Variants in RORA observed in about 807,000 individuals in gnomAD.
RORA encodes the protein RAR related orphan receptor A.
In RORA, 7 loss-of-function variants were observed where a neutral mutation model predicts 69.5. The ratio of observed to expected loss-of-function variants is 0.10; its 90% CI spans 0.06 to 0.19. RORA has a LOEUF of 0.19. RORA is among the 10% of genes least tolerant of loss of function. RORA has a pLI of 1.00. For synonymous variants in RORA, 261 were observed against 240.8 expected, an observed-to-expected ratio of 1.08 and a Z score of -0.78; for missense variants, 457 against 663.0, an observed-to-expected ratio of 0.69 and a Z score of 3.41.
chr15:60,535,388 C>T (rs2066644136), intron 2 of RORA, among the ~76,000 whole-genome samples: 1 of 152,168 alleles, frequency 6.6e-6, no homozygotes, highest in Admixed American at 6.5e-5. Context: ...AATTTGCTCT[C>T]TCATGCACCC....
intron 2 of RORA, among the ~76,000 whole-genome samples, chr15:60,674,318 G>T (rs1203594408): frequency 6.6e-6 from 1 of 152,128 alleles, no homozygotes; most frequent in Non-Finnish European, 1.5e-5. Context: ...AGAAAATAAG[G>T]TTATTCTAGT....
intron 2 of RORA, chr15:60,627,269 T>C (rs893785125): frequency 1.2e-6 from 2 of 1,614,070 alleles, no homozygotes; most frequent in Non-Finnish European, 1.7e-6. Context: ...GGTGTGGGTG[T>C]GGCAGACATT....
rs1242458906 is a variant in RORA at position 61,226,159 on chromosome 15, G to A, written c.166+2894C>T. On this transcript the variant is annotated intron_variant, in intron 1 of 10. Transcript: ENST00000335670. This position sits in a 1 kb window ranked among gnomAD's most constrained non-coding sequence, Gnocchi z 4.2. ...TAATGTCTCATGAGGTCACTGCAAT[G>A]TCATGAGAATTCAGACCACAATTTC... 6.6e-6 allele frequency among the ~76,000 whole-genome samples: 1 copy of A among 152,194 alleles called. No homozygotes were observed. Among genetic ancestry groups the A allele is most frequent in the African/African-American group, 2.4e-5 (1 of 41,454 alleles).
chr15:60,726,800 C>T (rs2071362579), intron 1 of RORA, among the ~76,000 whole-genome samples: 1 of 152,078 alleles, frequency 6.6e-6, no homozygotes, highest in Non-Finnish European at 1.5e-5. Context: ...AATTGTATTA[C>T]ATTGAGGAGC....
chr15:60,513,758 T>A (rs2141332994), intron 4 of RORA, among the ~76,000 whole-genome samples: 1 of 152,276 alleles, frequency 6.6e-6, no homozygotes, highest in East Asian at 1.9e-4. Flanking sequence ...CTACAGGCGC[T>A]AAGAACATCA....
At chr15:60,583,082 A>C (rs1424355997) in intron 2 of RORA, among the ~76,000 whole-genome samples, 1 of 152,188 alleles carries the variant, frequency 6.6e-6, no homozygotes, top group East Asian at 1.9e-4. Context: ...AATGAGATAG[A>C]TACTACACCA....
intron 1 of RORA, among the ~76,000 whole-genome samples, chr15:61,071,225 AG>A (rs2078338744): frequency 1.1e-4 from 3 of 28,362 alleles, no homozygotes; most frequent in African/African-American, 1.6e-4. Context: ...GGGGAGGGGA[AG>A]GGAAGGGAGG....
At chr15:60,619,872 C>T (rs1453648877) in intron 2 of RORA, among the ~76,000 whole-genome samples, 1 of 152,256 alleles carries the variant, frequency 6.6e-6, no homozygotes, top group African/African-American at 2.4e-5. Flanking sequence ...CGCATCTTTG[C>T]CTGCTTTTGC....
intron 2 of RORA, chr15:60,630,295 C>CCA (rs1353553818): frequency 6.6e-6 from 1 of 152,150 alleles, no homozygotes; most frequent in Non-Finnish European, 1.5e-5. Context: ...TAGAACTAGC[C>CCA]CAGTGGGAAA....
intron 1 of RORA, among the ~76,000 whole-genome samples, chr15:60,832,319 T>G (rs540607836): frequency 6.6e-6 from 1 of 152,236 alleles, no homozygotes; most frequent in East Asian, 1.9e-4. Context: ...GTTTTAGCAT[T>G]AAGAGTCCTG....
chr15:60,669,896 G>C (rs915197966), intron 2 of RORA, among the ~76,000 whole-genome samples: 3 of 152,154 alleles, frequency 2.0e-5, no homozygotes, highest in African/African-American at 7.2e-5. Context: ...TAAACTATTA[G>C]ACAGGGAGGA....
intron 1 of RORA, among the ~76,000 whole-genome samples, chr15:61,006,846 A>C (rs1256226176): frequency 1.3e-5 from 2 of 152,030 alleles, no homozygotes; most frequent in African/African-American, 2.4e-5. Context: ...GCTTATTTCT[A>C]TCTCTATTAC....
At chr15:61,205,341 C>T (rs894051892) in intron 1 of RORA, among the ~76,000 whole-genome samples, 3 of 152,148 alleles carry the variant, frequency 2.0e-5, no homozygotes, top group South Asian at 4.1e-4. Flanking sequence ...GTCCACCTTG[C>T]GTTCAAGGGT....
At chr15:61,019,227 G>C (rs1037510411) in intron 1 of RORA, among the ~76,000 whole-genome samples, 1 of 152,178 alleles carries the variant, frequency 6.6e-6, no homozygotes, top group Non-Finnish European at 1.5e-5. Context: ...GATATTGCTG[G>C]CATCACTCGC....
chr15:60,864,441 T>G (rs191768028), intron 1 of RORA, among the ~76,000 whole-genome samples: 1 of 152,036 alleles, frequency 6.6e-6, no homozygotes, highest in South Asian at 2.1e-4. Flanking sequence ...GGGGACTTAG[T>G]GACAGCCCAA....
chr15:60,796,981 G>T (rs1022617561), intron 1 of RORA, among the ~76,000 whole-genome samples: 90 of 149,174 alleles, frequency 6.0e-4, no homozygotes, highest in African/African-American at 2.1e-3. Flanking sequence ...AATACCATGA[G>T]TAGGTTTATC....
intron 1 of RORA, among the ~76,000 whole-genome samples, chr15:61,070,993 A>G (rs1446054154): frequency 6.6e-6 from 1 of 151,730 alleles, no homozygotes; most frequent in African/African-American, 2.4e-5. Context: ...TCCTCTGTAA[A>G]TACCCCATTA....
At chr15:61,195,937 T>C (rs1487294939) in intron 1 of RORA, 1 of 152,276 alleles carries the variant, frequency 6.6e-6, no homozygotes, top group African/African-American at 2.4e-5. Context: ...ACCTAATATG[T>C]ACGTGAAAAG....
rs559126770 is a variant in RORA, at chr15:60,745,700, C to A, written c.167-67014G>T. 3.3e-5 allele frequency among the ~76,000 whole-genome samples: 5 copies of A among 152,338 alleles called. No homozygotes were observed. In the East Asian group the frequency reaches 9.6e-4, roughly 29 times the overall value. On this transcript the variant is annotated intron_variant, in intron 1 of 10. Transcript: ENST00000335670. Reference sequence around the variant, plus strand: ...TCTTGAGCGATTCCAGCTGCTGAGCCATGCCTGTAGACATGGCGACATTTG... The same window carrying A: ...TCTTGAGCGATTCCAGCTGCTGAGCAATGCCTGTAGACATGGCGACATTTG...
Sources: gnomAD v4.1 joint callset for allele counts (sites outside exome capture counted in the v4.1 genomes callset) on GRCh38, gnomAD v4.1.1 for gene constraint, Gnocchi (gnomAD v3.1) non-coding constraint, MANE v1.5 for transcripts, NCBI Gene and HGNC (gene_info 2026-07-23, HGNC 2026-07-21) for gene names.